Variants in TLN2 observed in about 807,000 individuals in gnomAD.
TLN2 encodes the protein talin 2.
A neutral mutation model predicts 294.7 loss-of-function variants in TLN2; 118 were observed. The observed-to-expected ratio is 0.40, with a 90% CI of 0.34 to 0.47. TLN2 has a LOEUF of 0.47. Ranked by LOEUF, TLN2 falls within the 20% of genes least tolerant of loss-of-function variation. TLN2 has a pLI of 0.84. For synonymous variants in TLN2, 1,431 were observed against 1,304.5 expected (o/e 1.10, Z -2.09); for missense variants, 3,083 against 3,282.2 (o/e 0.94, Z 1.48).
chr15:62,821,496 G>A (rs2067566130), intron 54 of TLN2, among the ~76,000 whole-genome samples: 1 of 152,220 alleles, frequency 6.6e-6, no homozygotes, highest in Non-Finnish European at 1.5e-5. Context: ...AAGACCAAGG[G>A]ATGGAGTCTG....
rs373993510 is a variant in TLN2, at chr15:62,824,272, A to G, written c.7002+3662A>G. ...TATTCTGTGTGGCTTAGTTTTGTGC[A>G]GTGATGAATCCTTAAGGAATTCAAT... On this transcript the variant is annotated intron_variant, in intron 54 of 58. Coordinates refer to ENST00000636159, the MANE Select transcript of TLN2 (RefSeq NM_015059.3). Among the ~76,000 whole-genome samples, 35 of 152,278 alleles carry G rather than the reference A, an allele frequency of 2.3e-4. No homozygotes were observed. The South Asian group carries it at 7.2e-3, about 32-fold the overall frequency.
intron 9 of TLN2, among the ~76,000 whole-genome samples, chr15:62,663,719 A>T (rs922459939): frequency 6.6e-6 from 1 of 152,054 alleles, no homozygotes; most frequent in African/African-American, 2.4e-5. Flanking sequence ...CAGCTGTCCA[A>T]TGATCTCCAA....
intron 1 of TLN2, among the ~76,000 whole-genome samples, chr15:62,459,425 A>G (rs1488016514): frequency 6.6e-6 from 1 of 151,560 alleles, no homozygotes; most frequent in East Asian, 1.9e-4. Flanking sequence ...GCTGTGTCTT[A>G]TAAATCAGTA....
At position 62,722,300 on chromosome 15, in the gene TLN2, C is replaced by G. The variant is rs1595787009; in HGVS notation, c.2992-53C>G. ...AGACCTCGCTGCTTAGGTCTCTCCT[C>G]TCTACCTCTTGCTGCCCAGGAGCCA... On this transcript the variant is annotated intron_variant, in intron 25 of 58. Coordinates refer to ENST00000636159, the MANE Select transcript of TLN2 (RefSeq NM_015059.3). 8.9e-6 allele frequency: 14 copies of G among 1,567,784 alleles called. No homozygotes were observed. In the Middle Eastern group the frequency reaches 5.4e-4, roughly 60 times the overall value.
At chr15:62,461,755 G>C (rs2036818554) in intron 1 of TLN2, among the ~76,000 whole-genome samples, 1 of 152,176 alleles carries the variant, frequency 6.6e-6, no homozygotes, top group Non-Finnish European at 1.5e-5. Context: ...CAGGTAAGAG[G>C]CGCCTACTCC....
intron 1 of TLN2, among the ~76,000 whole-genome samples, chr15:62,566,784 T>G (rs895488931): frequency 5.3e-5 from 8 of 152,118 alleles, no homozygotes; most frequent in South Asian, 4.2e-4. Context: ...CTCAAACTCC[T>G]GGGCACAGTC....
At chr15:62,756,743 G>C (rs1443588451) in intron 37 of TLN2, among the ~76,000 whole-genome samples, 2 of 152,068 alleles carry the variant, frequency 1.3e-5, no homozygotes, top group Non-Finnish European at 2.9e-5. Context: ...ACTACAAAAA[G>C]CCAGTGCAAT....
chr15:62,677,532 G>GA (rs1269552742), intron 11 of TLN2, among the ~76,000 whole-genome samples: 3 of 152,136 alleles, frequency 2.0e-5, no homozygotes, highest in Non-Finnish European at 4.4e-5. Flanking sequence ...TGGAACCTAA[G>GA]AAAAATCGGT....
At chr15:62,707,276 C>A in intron 20 of TLN2, 23 bp downstream of exon 20, 1 of 1,592,116 alleles carries the variant, frequency 6.3e-7, no homozygotes, top group South Asian at 1.1e-5. Flanking sequence ...GCACCCCAGC[C>A]CTTTCTACCC....
chr15:62,708,932 C>G (rs2059246489), intron 21 of TLN2, 136 bp downstream of exon 21: 1 of 1,042,892 alleles, frequency 9.6e-7, no homozygotes. Flanking sequence ...GACTTCCCCA[C>G]TGAAGCTCAG....
At chr15:62,430,022 A>G (rs150110478) in intron 1 of TLN2, among the ~76,000 whole-genome samples, 1 of 152,362 alleles carries the variant, frequency 6.6e-6, no homozygotes, top group East Asian at 1.9e-4. Flanking sequence ...TGATGATTCC[A>G]ATTTAGTGAT....
Position 62,717,571 on chromosome 15 carries a change from T to C in TLN2, c.2764-5T>C, listed in dbSNP as rs767075202. On this transcript the variant is annotated splice_polypyrimidine_tract_variant and splice_region_variant and intron_variant, in intron 23 of 58. Transcript: ENST00000636159. ...GATCCTGACTCATCTATCACTCCTC[T>C]GCAGGTTGCAGCCAAGCAGGCCGCA... is the stretch of plus-strand genomic sequence containing the variant. 9.0e-6 allele frequency: 14 copies of C among 1,551,010 alleles called. No homozygotes were observed. The Admixed American group carries it at 1.3e-4, about 14-fold the overall frequency.
chr15:62,390,593 C>G lies in TLN2; in HGVS notation c.-330C>G, dbSNP rs1474553264. 6.6e-6 allele frequency: 1 copy of G among 152,282 alleles called. No homozygotes were observed. The allele number at this position is 152,282 out of a possible 1,614,324, so 9.4% of individuals were successfully genotyped here. The stretch of plus-strand genomic sequence containing the variant: ...GCGGCGGCGGCAGCGGCTGAGGCGG[C>G]TGCGGGAGCGGAGTGGTCGCCCAGC... On this transcript the variant is annotated 5_prime_UTR_variant, in exon 1 of 59. Coordinates refer to ENST00000636159, the MANE Select transcript of TLN2 (RefSeq NM_015059.3).
chr15:62,831,371 C>G (rs1254513506), intron 54 of TLN2: 2 of 152,064 alleles, frequency 1.3e-5, no homozygotes, highest in Non-Finnish European at 2.9e-5. Flanking sequence ...GTCAAAAATT[C>G]TGTGATTTCC....
At chr15:62,752,453 A>G in intron 35 of TLN2, 26 bp downstream of exon 35, 4 of 1,612,812 alleles carry the variant, frequency 2.5e-6, no homozygotes, top group Non-Finnish European at 2.5e-6. Flanking sequence ...CGATGCAGCC[A>G]TGTGCCCTGT....
At chr15:62,719,652 G>A in intron 24 of TLN2, 115 bp from the exon 25 acceptor site, 2 of 738,632 alleles carry the variant, frequency 2.7e-6, no homozygotes, top group Non-Finnish European at 4.2e-6. Context: ...GTCTGGGGCT[G>A]GCGTCCCCTG....
chr15:62,524,700 A>G (rs1356166285), intron 1 of TLN2, among the ~76,000 whole-genome samples: 1 of 152,204 alleles, frequency 6.6e-6, no homozygotes. Flanking sequence ...ATTCATTCAA[A>G]TTCACAGCTT....
chr15:62,739,411 C>G lies in TLN2; in HGVS notation c.3751C>G (p.Leu1251Val). The G allele has an allele frequency of 1.9e-6, 3 of 1,614,210 alleles. No individual in the cohort carries two copies. Among genetic ancestry groups the G allele is most frequent in the Non-Finnish European group, 2.5e-6 (3 of 1,180,036 alleles). ...QSELNQAAAD[L>V]NQSAGEVVHA... The stretch of plus-strand genomic sequence containing the variant: ...TGAACTGAACCAGGCAGCAGCTGAT[C>G]TGAACCAGTCTGCTGGGGAAGTGGT... Residue 1251 changes from leucine to valine, a missense_variant, in exon 31 of 59, where the codon CTG becomes GTG. By Grantham distance (32) the Leu-to-Val change is conservative (BLOSUM62 1). Coordinates refer to ENST00000636159, the MANE Select transcript of TLN2 (RefSeq NM_015059.3).
intron 1 of TLN2, among the ~76,000 whole-genome samples, chr15:62,583,691 A>G (rs532119870): frequency 9.9e-5 from 15 of 152,210 alleles, no homozygotes; most frequent in Admixed American, 3.9e-4. Flanking sequence ...ATGTTTAAGA[A>G]CAGCTTATTT....
Sources: allele counts gnomAD v4.1 joint callset (sites outside exome capture counted in the v4.1 genomes callset), GRCh38; gene constraint gnomAD v4.1.1; transcripts MANE v1.5; gene names NCBI Gene and HGNC (gene_info 2026-07-23, HGNC 2026-07-21).